The following GMEB1 variants were observed in gnomAD, a reference collection of about 807,000 sequenced individuals.
GMEB1 encodes the protein glucocorticoid modulatory element-binding protein 1.
Under a neutral mutation model 52.4 loss-of-function variants are expected in GMEB1, and 6 were observed. That is an observed-to-expected ratio of 0.11 (90% CI 0.06 to 0.23). GMEB1 has a LOEUF of 0.23. GMEB1 is among the 10% of genes least tolerant of loss of function. The pLI is 1.00. For synonymous variants in GMEB1, 255 were observed against 244.9 expected (o/e 1.04, Z -0.38); for missense variants, 486 against 685.6 (o/e 0.71, Z 3.25).
Position 28,691,152 on chromosome 1 carries a change from G to A in GMEB1, c.212-433G>A, listed in dbSNP as rs141517871. Among the ~76,000 whole-genome samples the A allele has an allele frequency of 3.0e-3, 456 of 151,924 alleles. 1 individual carries two copies. Among genetic ancestry groups the A allele is most frequent in the African/African-American group, 0.01 (430 of 41,414 alleles). On this transcript the variant is annotated intron_variant, in intron 3 of 9. Transcript: ENST00000373816. ...CTAAAAATACAAAAATTAGCCGGGC[G>A]TGGTGGTGTGTGGTATATGGTTATA...
chr1:28,691,092 A>G (rs1570405655), intron 3 of GMEB1, among the ~76,000 whole-genome samples: 1 of 152,162 alleles, frequency 6.6e-6, no homozygotes. Context: ...GGGGTTCAAG[A>G]CCAGCCTGGC....
At chr1:28,693,209 G>C (rs949871119) in intron 5 of GMEB1, among the ~76,000 whole-genome samples, 164 bp downstream of exon 5, 6 of 151,666 alleles carry the variant, frequency 4.0e-5, no homozygotes, top group Non-Finnish European at 7.4e-5. Flanking sequence ...AATCCTGGGA[G>C]ACGAGATTGA....
intron 1 of GMEB1, among the ~76,000 whole-genome samples, chr1:28,677,737 T>C (rs374913572): frequency 1.3e-3 from 196 of 152,328 alleles, no homozygotes; most frequent in African/African-American, 4.4e-3. Flanking sequence ...TTGTATGCTT[T>C]ATCACATTCC....
intron 1 of GMEB1, among the ~76,000 whole-genome samples, chr1:28,679,766 G>A (rs955395005): frequency 9.9e-5 from 15 of 151,350 alleles, no homozygotes; most frequent in African/African-American, 3.6e-4. Context: ...TAGGAAGGCA[G>A]AAAGTTCTAG....
chr1:28,698,062 C>G (rs987310697), intron 6 of GMEB1, among the ~76,000 whole-genome samples: 1 of 151,886 alleles, frequency 6.6e-6, no homozygotes, highest in Admixed American at 6.6e-5. Context: ...ATGGCGTGAA[C>G]TCGGGAGGCG....
chr1:28,691,760 A>T (rs779894528), intron 4 of GMEB1, 51 bp downstream of exon 4: 1 of 1,111,372 alleles, frequency 9.0e-7, no homozygotes, highest in South Asian at 2.1e-5. Flanking sequence ...TTGTTCTCAA[A>T]GGGTGTGAGT....
At chr1:28,674,871 A>G (rs574179765) in intron 1 of GMEB1, among the ~76,000 whole-genome samples, 4 of 142,866 alleles carry the variant, frequency 2.8e-5, no homozygotes, top group African/African-American at 1.0e-4. Flanking sequence ...GGCGCCCGCC[A>G]CTACGCCCGG....
intron 6 of GMEB1, among the ~76,000 whole-genome samples, chr1:28,698,890 A>G (rs1287895740): frequency 1.3e-5 from 2 of 152,102 alleles, no homozygotes; most frequent in Non-Finnish European, 1.5e-5. Flanking sequence ...AGGCTGAGGC[A>G]GGAGAATTGC....
At chr1:28,708,442 G>T (rs2124579567) in intron 8 of GMEB1, among the ~76,000 whole-genome samples, 1 of 146,906 alleles carries the variant, frequency 6.8e-6, no homozygotes, top group South Asian at 2.2e-4. Context: ...GGGATTACAG[G>T]CATGAGCCAC....
intron 9 of GMEB1, 45 bp from the exon 10 acceptor site, chr1:28,714,026 CAA>C (rs754075554): frequency 5.7e-5 from 81 of 1,423,336 alleles, no homozygotes; most frequent in Non-Finnish European, 7.7e-5. Context: ...TTAATGCTCC[CAA>C]GATTTTACTT....
intron 5 of GMEB1, 140 bp from the exon 6 acceptor site, chr1:28,696,787 A>G (rs1273532222): frequency 1.8e-6 from 1 of 553,790 alleles, no homozygotes. Flanking sequence ...AATTTTTGCA[A>G]CCTAATGACT....
At chr1:28,709,072 T>G (rs189627797) in intron 8 of GMEB1, among the ~76,000 whole-genome samples, 1 of 149,870 alleles carries the variant, frequency 6.7e-6, no homozygotes, top group Non-Finnish European at 1.5e-5. Context: ...AGGTGGAGCT[T>G]GCAGTAAACT....
Position 28,690,203 on chromosome 1 carries a change from G to GTTTTTTTTT in GMEB1, c.211+30_211+38dup, listed in dbSNP as rs878890649. On this transcript the variant is annotated intron_variant, in intron 3 of 9. Coordinates refer to ENST00000373816, the MANE Select transcript of GMEB1 (RefSeq NM_001319674.2). ...AAGGGATTGGTAAGGGTTTTTTTGTGTTTTTTTTTTTTTTTTTTTTTGTCA... is the reference window on the plus strand; with the variant it reads ...AAGGGATTGGTAAGGGTTTTTTTGTGTTTTTTTTTTTTTTTTTTTTTTTTTTTTTTGTCA... The GTTTTTTTTT allele has an allele frequency of 1.7e-4, 90 of 516,076 alleles. No individual in the cohort carries two copies. Among genetic ancestry groups the GTTTTTTTTT allele is most frequent in the South Asian group, 3.5e-4 (15 of 42,616 alleles). The allele number at this position is 516,076 out of a possible 1,614,324, so 32.0% of individuals were successfully genotyped here.
Position 28,710,577 on chromosome 1 carries a change from A to C in GMEB1, c.926A>C (p.Lys309Thr). The stretch of plus-strand genomic sequence containing the variant: ...TTTGGCCTAATGGACACAGTCAAGA[A>C]GGTTTTAGACAACAGAAGGAACCAA... ...HTFGLMDTVK[K>T]VLDNRRNQVE... is the part of the protein sequence containing the mutation. The change falls in exon 9 of 10, where the codon AAG becomes ACG. Residue 309 changes from lysine (K) to threonine (T), a missense_variant. Lys to Thr is a moderately conservative substitution (Grantham distance 78). Coordinates refer to ENST00000373816, the MANE Select transcript of GMEB1 (RefSeq NM_001319674.2). 1 of 1,611,212 alleles carries C rather than the reference A, an allele frequency of 6.2e-7. No homozygotes were observed. Among genetic ancestry groups the C allele is most frequent in the Non-Finnish European group, 8.5e-7 (1 of 1,178,278 alleles).
intron 9 of GMEB1, among the ~76,000 whole-genome samples, chr1:28,711,635 G>T (rs746781867): frequency 6.6e-6 from 1 of 151,864 alleles, no homozygotes; most frequent in Non-Finnish European, 1.5e-5. Context: ...TTGTATTTTT[G>T]GTAGAGATGG....
At chr1:28,684,273 T>A (rs995583065) in intron 2 of GMEB1, among the ~76,000 whole-genome samples, 1 of 152,078 alleles carries the variant, frequency 6.6e-6, no homozygotes, top group African/African-American at 2.4e-5. Context: ...ATTTAAAAAT[T>A]CCAGGCCTGG....
At position 28,715,046 on chromosome 1, in the gene GMEB1, TA is replaced by T. The variant is rs1265673632; in HGVS notation, c.*275del. 1 of 382,888 alleles carries T rather than the reference TA, an allele frequency of 2.6e-6. No homozygotes were observed. Among genetic ancestry groups the T allele is most frequent in the African/African-American group, 2.0e-5 (1 of 49,264 alleles). The allele number at this position is 382,888 out of a possible 1,614,324, so 23.7% of individuals were successfully genotyped here. A position where few individuals can be genotyped will look rare whatever the true frequency, so the allele number is the denominator to read the frequency against. Reference sequence around the variant, plus strand: ...ATTTCTTTTAGGGGAAGTGTCAAGATAACAAGTAACCCTGTCCAGAAAGCCA... The same window carrying T: ...ATTTCTTTTAGGGGAAGTGTCAAGATACAAGTAACCCTGTCCAGAAAGCCA... On this transcript the variant is annotated 3_prime_UTR_variant, in exon 10 of 10. Transcript: ENST00000373816.
At chr1:28,703,538 G>A (rs1484483464) in intron 7 of GMEB1, among the ~76,000 whole-genome samples, 3 of 152,052 alleles carry the variant, frequency 2.0e-5, no homozygotes, top group Non-Finnish European at 1.5e-5. Flanking sequence ...GTGCATGCCT[G>A]TAATCCCAGC....
At chr1:28,697,680 G>A (rs1670290171) in intron 6 of GMEB1, among the ~76,000 whole-genome samples, 1 of 152,200 alleles carries the variant, frequency 6.6e-6, no homozygotes, top group African/African-American at 2.4e-5. Context: ...GTAGGCATTA[G>A]AAAGGTAGTT....
Sources: gnomAD v4.1 joint callset for allele counts (sites outside exome capture counted in the v4.1 genomes callset) on GRCh38, gnomAD v4.1.1 for gene constraint, MANE v1.5 for transcripts, NCBI Gene and HGNC (gene_info 2026-07-23, HGNC 2026-07-21) for gene names.